The following BTAF1 variants were observed in gnomAD, a reference collection of about 807,000 sequenced individuals.
The protein encoded by BTAF1 is TATA-binding protein-associated factor 172.
BTAF1 carries 38 observed loss-of-function variants against 227.1 expected under a neutral mutation model. The observed-to-expected ratio is 0.17, with a 90% CI of 0.13 to 0.22. The LOEUF (loss-of-function observed/expected upper bound fraction) is 0.22, where lower values mean the gene tolerates loss of function less well. Among genes scored for constraint, BTAF1 ranks in the 10% least tolerant of loss-of-function variants. The pLI is 1.00. For synonymous variants in BTAF1, 742 were observed against 751.9 expected (o/e 0.99, Z 0.21); for missense variants, 1,598 against 2,204.0 (o/e 0.73, Z 5.51).
chr10:91,999,232 T>G (rs967860155), intron 25 of BTAF1, among the ~76,000 whole-genome samples: 1 of 152,152 alleles, frequency 6.6e-6, no homozygotes, highest in African/African-American at 2.4e-5. Context: ...TTTTCCAAAG[T>G]AACTGTATCA....
chr10:91,990,648 G>A (rs1239645464), intron 20 of BTAF1, among the ~76,000 whole-genome samples: 1 of 151,870 alleles, frequency 6.6e-6, no homozygotes, highest in Non-Finnish European at 1.5e-5. Flanking sequence ...TATATAATTA[G>A]CTGGGCATGG....
intron 11 of BTAF1, among the ~76,000 whole-genome samples, chr10:91,962,210 A>G (rs1383979528): frequency 4.6e-5 from 7 of 152,202 alleles, no homozygotes. Context: ...TAAATATACC[A>G]ATATTTATCA....
At chr10:91,938,546 C>T (rs1459951806) in intron 2 of BTAF1, among the ~76,000 whole-genome samples, 1 of 152,190 alleles carries the variant, frequency 6.6e-6, no homozygotes, top group East Asian at 1.9e-4. Flanking sequence ...TGAATTGTCT[C>T]AACACCTTTG....
chr10:92,013,127 C>T (rs1290290866), intron 30 of BTAF1, among the ~76,000 whole-genome samples: 2 of 152,154 alleles, frequency 1.3e-5, no homozygotes, highest in Non-Finnish European at 2.9e-5. Flanking sequence ...TACCTTAGGA[C>T]CTGCACCTAT....
chr10:91,964,825 T>G (rs1030988225), intron 13 of BTAF1, among the ~76,000 whole-genome samples: 4 of 152,118 alleles, frequency 2.6e-5, no homozygotes, highest in Admixed American at 2.6e-4. Context: ...CCCTTGAATA[T>G]TGTTAGAGAT....
chr10:91,947,543 C>G (rs1137825), intron 4 of BTAF1, among the ~76,000 whole-genome samples: 45,910 of 151,914 alleles, frequency 0.3, 8,528 homozygotes, highest in South Asian at 0.52. Flanking sequence ...TATTTCAGGA[C>G]TCTTAATTCT....
At chr10:91,950,168 G>T (rs11186765) in intron 4 of BTAF1, among the ~76,000 whole-genome samples, 1,507 of 138,954 alleles carry the variant, frequency 0.011, 87 homozygotes, top group East Asian at 0.082. Flanking sequence ...CGGGAAAGAA[G>T]ACTAGGTTTT....
chr10:91,983,120 A>G (rs1287842233), intron 18 of BTAF1, among the ~76,000 whole-genome samples: 1 of 152,228 alleles, frequency 6.6e-6, no homozygotes, highest in Non-Finnish European at 1.5e-5. Context: ...ACTGAAAACT[A>G]CAAAGGATGA....
chr10:91,963,406 G>A (rs1389029270), intron 12 of BTAF1, among the ~76,000 whole-genome samples: 1 of 147,236 alleles, frequency 6.8e-6, no homozygotes, highest in African/African-American at 2.5e-5. Flanking sequence ...ACGACAGAGC[G>A]AGACTCCGTC....
chr10:91,982,270 G>C, intron 17 of BTAF1, 45 bp downstream of exon 17: 1 of 1,611,928 alleles, frequency 6.2e-7, no homozygotes, highest in Non-Finnish European at 8.5e-7. Context: ...TTACAAGTCT[G>C]GCTTTCAAAG....
intron 32 of BTAF1, among the ~76,000 whole-genome samples, chr10:92,014,464 C>G (rs577639050): frequency 6.6e-6 from 1 of 152,146 alleles, no homozygotes; most frequent in Non-Finnish European, 1.5e-5. Context: ...CAGGGTCAAG[C>G]AGTCCTCCCA....
chr10:91,987,399 C>T (rs1213024588), intron 19 of BTAF1, among the ~76,000 whole-genome samples: 1 of 152,038 alleles, frequency 6.6e-6, no homozygotes, highest in Non-Finnish European at 1.5e-5. Flanking sequence ...AGGAGAATGG[C>T]GTGAACCCAG....
chr10:91,951,918 A>C (rs1845790593), intron 5 of BTAF1, among the ~76,000 whole-genome samples: 1 of 152,122 alleles, frequency 6.6e-6, no homozygotes, highest in South Asian at 2.1e-4. Context: ...TATTATAGTC[A>C]GATATGATAG....
At chr10:91,959,395 AATAG>A (rs1846325108) in intron 9 of BTAF1, 3 of 696,350 alleles carry the variant, frequency 4.3e-6, no homozygotes, top group African/African-American at 3.7e-5. Context: ...TAGTATAAAT[AATAG>A]ATATATGACC....
rs1851813273 is a variant in BTAF1 at position 92,030,286 on chromosome 10, C to T, written c.*1353C>T. ...AACCATACTGTAACATTAAACCTAGCATTCCACAAGAGAATAAATATAAGA... is the reference window on the plus strand; with the variant it reads ...AACCATACTGTAACATTAAACCTAGTATTCCACAAGAGAATAAATATAAGA... On this transcript the variant is annotated 3_prime_UTR_variant, in exon 38 of 38. Transcript: ENST00000265990. 6.6e-6 allele frequency: 1 copy of T among 152,514 alleles called. No homozygotes were observed. The highest frequency in any genetic ancestry group is 2.4e-5 in the African/African-American group (1 of 41,426). The allele number at this position is 152,514 out of a possible 1,614,324, so 9.4% of individuals were successfully genotyped here.
At chr10:91,963,176 T>C (rs958851844) in intron 12 of BTAF1, among the ~76,000 whole-genome samples, 2 of 151,986 alleles carry the variant, frequency 1.3e-5, no homozygotes, top group Non-Finnish European at 2.9e-5. Context: ...GGATGACATG[T>C]AGCCCCACTC....
chr10:91,942,285 TAA>T (rs67087052), intron 3 of BTAF1, 135 bp from the exon 4 acceptor site: 4 of 598,652 alleles, frequency 6.7e-6, no homozygotes, highest in African/African-American at 2.0e-5. Context: ...CCTCACTTCT[TAA>T]AAAAAAAAGT....
intron 14 of BTAF1, among the ~76,000 whole-genome samples, chr10:91,978,669 G>T (rs906610300): frequency 1.3e-5 from 2 of 152,056 alleles, no homozygotes; most frequent in African/African-American, 4.8e-5. Flanking sequence ...CATGTGGAGG[G>T]CAGGGGCTGA....
At chr10:91,932,596 G>C (rs1297028648) in intron 1 of BTAF1, among the ~76,000 whole-genome samples, 1 of 152,176 alleles carries the variant, frequency 6.6e-6, no homozygotes. Context: ...GAAGCCTAAT[G>C]AGGAAAATTA....
Sources: allele counts gnomAD v4.1 joint callset (sites outside exome capture counted in the v4.1 genomes callset), GRCh38; gene constraint gnomAD v4.1.1; transcripts MANE v1.5; gene names NCBI Gene and HGNC (gene_info 2026-07-23, HGNC 2026-07-21).